Variants in ANKRD13C observed in about 807,000 individuals in gnomAD.
ANKRD13C encodes the protein ankyrin repeat domain 13C.
ANKRD13C carries 16 observed loss-of-function variants against 65.5 expected under a neutral mutation model. The ratio of observed to expected loss-of-function variants is 0.24; its 90% CI spans 0.17 to 0.37. The LOEUF is 0.37. Ranked by LOEUF, ANKRD13C falls within the 10% of genes least tolerant of loss-of-function variation. ANKRD13C has a pLI of 1.00. For synonymous variants in ANKRD13C, 235 were observed against 238.7 expected, an observed-to-expected ratio of 0.98 and a Z score of 0.14; for missense variants, 503 against 655.9, an observed-to-expected ratio of 0.77 and a Z score of 2.55.
rs539557551 is a variant in ANKRD13C, at chr1:70,339,007, A to T, written c.431-2908T>A. ...AAAGCTGAAGTGAACATCTCACTTG[A>T]GGCCAGGAGTTCAGAACAGCCTGGC... On this transcript the variant is annotated intron_variant, in intron 1 of 12. Coordinates refer to ENST00000370944, the MANE Select transcript of ANKRD13C (RefSeq NM_030816.5). 2.6e-5 allele frequency among the ~76,000 whole-genome samples: 4 copies of T among 152,246 alleles called. No individual in the cohort carries two copies. In the South Asian group the frequency reaches 8.3e-4, roughly 32 times the overall value.
At position 70,262,790 on chromosome 1, in the gene ANKRD13C, T is replaced by C. The variant is rs926185563; in HGVS notation, c.1553A>G (p.Asp518Gly). 3 of 1,613,526 alleles carry C rather than the reference T, an allele frequency of 1.9e-6. No individual in the cohort carries two copies. In the African/African-American group the frequency reaches 4.0e-5, roughly 22 times the overall value. The change falls in exon 13 of 13, where the codon GAT becomes GGT. Residue 518 changes from aspartate (D) to glycine (G), a missense_variant. By Grantham distance (94) the Asp-to-Gly change is moderately conservative. Coordinates refer to ENST00000370944, the MANE Select transcript of ANKRD13C (RefSeq NM_030816.5). Reference sequence around the variant, plus strand: ...AGTAAAGATGGAGCCATCAAATTCATCGTATCGAAACTCCTGAAAAGTCAC... The same window carrying C: ...AGTAAAGATGGAGCCATCAAATTCACCGTATCGAAACTCCTGAAAAGTCAC... Reference protein sequence around the residue: ...ATVTFQEFRYDEFDGSIFTIP... With the variant: ...ATVTFQEFRYGEFDGSIFTIP...
intron 3 of ANKRD13C, among the ~76,000 whole-genome samples, chr1:70,317,384 A>T (rs988898661): frequency 6.6e-5 from 10 of 152,156 alleles, no homozygotes; most frequent in Non-Finnish European, 1.5e-4. Flanking sequence ...AATGAGAAAA[A>T]ATGTGTACTA....
chr1:70,292,986 T>G (rs1243308089), intron 8 of ANKRD13C, among the ~76,000 whole-genome samples: 1 of 152,042 alleles, frequency 6.6e-6, no homozygotes, highest in Non-Finnish European at 1.5e-5. Context: ...TAAAAAGAAA[T>G]AAATAGTCCA....
intron 9 of ANKRD13C, among the ~76,000 whole-genome samples, chr1:70,283,414 T>C (rs996501544): frequency 1.3e-5 from 2 of 152,210 alleles, no homozygotes; most frequent in African/African-American, 2.4e-5. Flanking sequence ...GGAAATACTT[T>C]ATTTCTAGGT....
At chr1:70,313,170 A>C (rs1382564648) in intron 5 of ANKRD13C, among the ~76,000 whole-genome samples, 1 of 152,182 alleles carries the variant, frequency 6.6e-6, no homozygotes, top group African/African-American at 2.4e-5. Flanking sequence ...TTCTATTATT[A>C]AATTTTAAAT....
chr1:70,338,174 C>T (rs1408978910), intron 1 of ANKRD13C, among the ~76,000 whole-genome samples: 3 of 152,120 alleles, frequency 2.0e-5, no homozygotes, highest in Non-Finnish European at 4.4e-5. Context: ...TTTCTCTCTC[C>T]TCCCACGTAG....
intron 1 of ANKRD13C, among the ~76,000 whole-genome samples, chr1:70,349,466 C>G (rs1404227533): frequency 6.6e-6 from 1 of 150,462 alleles, no homozygotes; most frequent in African/African-American, 2.4e-5. Context: ...TGTTTGGACC[C>G]AGAATACAAT....
intron 1 of ANKRD13C, among the ~76,000 whole-genome samples, chr1:70,349,264 A>G (rs912643637): frequency 6.6e-6 from 1 of 152,184 alleles, no homozygotes; most frequent in Admixed American, 6.5e-5. Context: ...TCAATCTTTT[A>G]ATTTTACACT....
chr1:70,287,973 C>T (rs981344200), intron 9 of ANKRD13C, among the ~76,000 whole-genome samples: 5 of 152,182 alleles, frequency 3.3e-5, no homozygotes, highest in Admixed American at 6.5e-5. Context: ...GAACCAAGAT[C>T]GTGCCACTGC....
chr1:70,336,028 T>C, intron 2 of ANKRD13C, 30 bp downstream of exon 2: 1 of 751,642 alleles, frequency 1.3e-6, no homozygotes, highest in Non-Finnish European at 1.9e-6. Flanking sequence ...TAAATGAAGT[T>C]AAACATAAAA....
intron 1 of ANKRD13C, among the ~76,000 whole-genome samples, chr1:70,346,411 T>G (rs1033125787): frequency 1.3e-5 from 2 of 152,092 alleles, no homozygotes; most frequent in Non-Finnish European, 1.5e-5. Flanking sequence ...GTCAACAATT[T>G]TACTCACCAG....
chr1:70,354,241 G>A lies in ANKRD13C; in HGVS notation c.168C>T (p.Asn56=). ...GGKACHKIFS[N]HHHRLQLKAA... is the part of the protein sequence containing the mutation. ...CCTTCAGCTGTAGCCGGTGGTGATG[G>A]TTACTGAAGATCTTATGACAAGCTT... The change falls in exon 1 of 13, where the codon AAC becomes AAT. Residue 56 remains asparagine (N), a synonymous_variant. Transcript: ENST00000370944. 3 of 1,613,536 alleles carry A rather than the reference G, an allele frequency of 1.9e-6. No homozygotes were observed. The highest frequency in any genetic ancestry group is 2.5e-6 in the Non-Finnish European group (3 of 1,180,032).
intron 9 of ANKRD13C, among the ~76,000 whole-genome samples, chr1:70,278,039 A>G (rs902328887): frequency 1.3e-5 from 2 of 151,330 alleles, no homozygotes; most frequent in Admixed American, 1.3e-4. Context: ...AAAAAAAAAA[A>G]TTAGCTGAGT....
chr1:70,259,343 TAGA>T lies in ANKRD13C; in HGVS notation c.*3371_*3373del, dbSNP rs1368204591. Among the ~76,000 whole-genome samples the T allele has an allele frequency of 2.0e-5, 3 of 152,216 alleles. No individual in the cohort carries two copies. Among genetic ancestry groups the T allele is most frequent in the Non-Finnish European group, 4.4e-5 (3 of 68,028 alleles). ...AAGAATGATTAACAAGCACCTTTCT[TAGA>T]AGTTCTTAAGATTTTGCTTCAATAT... On this transcript the variant is annotated 3_prime_UTR_variant, in exon 13 of 13. Transcript: ENST00000370944.
chr1:70,325,723 A>C (rs2101542073), intron 2 of ANKRD13C, among the ~76,000 whole-genome samples: 1 of 151,980 alleles, frequency 6.6e-6, no homozygotes, highest in African/African-American at 2.4e-5. Flanking sequence ...CTAAAAAATA[A>C]AAAAAATTAG....
chr1:70,335,661 T>C (rs982592578), intron 2 of ANKRD13C, among the ~76,000 whole-genome samples: 1 of 150,292 alleles, frequency 6.7e-6, no homozygotes, highest in African/African-American at 2.4e-5. Flanking sequence ...TTTTTGCAAT[T>C]ATCTACCAAA....
rs34241203 is a variant in ANKRD13C, at chr1:70,262,943, T to TAAAAAAAAAA, written c.1496-106_1496-97dup. 2.9e-4 allele frequency: 134 copies of TAAAAAAAAAA among 460,502 alleles called. 3 individuals carry two copies. Among genetic ancestry groups the TAAAAAAAAAA allele is most frequent in the South Asian group, 1.3e-3 (32 of 25,274 alleles). The allele number at this position is 460,502 out of a possible 1,614,324, so 28.5% of individuals were successfully genotyped here. ...GGAGATGTCCATACTCCTTAAAATG[T>TAAAAAAAAAA]AAAAAAAAAAAAAAAAATACTCAAG... On this transcript the variant is annotated intron_variant, in intron 12 of 12. Coordinates refer to ENST00000370944, the MANE Select transcript of ANKRD13C (RefSeq NM_030816.5).
intron 12 of ANKRD13C, among the ~76,000 whole-genome samples, chr1:70,266,024 A>C (rs1306785006): frequency 2.6e-5 from 4 of 151,976 alleles, no homozygotes; most frequent in Admixed American, 2.6e-4. Context: ...AAATAATACA[A>C]CATAAAAATC....
chr1:70,307,667 A>G (rs1210507769), intron 5 of ANKRD13C, among the ~76,000 whole-genome samples: 1 of 152,084 alleles, frequency 6.6e-6, no homozygotes, highest in Non-Finnish European at 1.5e-5. Context: ...TTCCTTTCTC[A>G]GCTGGGCACG....
Sources: allele counts gnomAD v4.1 joint callset (sites outside exome capture counted in the v4.1 genomes callset), GRCh38; gene constraint gnomAD v4.1.1; transcripts MANE v1.5; gene names NCBI Gene and HGNC (gene_info 2026-07-23, HGNC 2026-07-21).